ZNF516: variants seen among roughly 807,000 people sequenced by gnomAD.
ZNF516 encodes the protein zinc finger protein 516.
Under a neutral mutation model 79.7 loss-of-function variants are expected in ZNF516, and 19 were observed. That is an observed-to-expected ratio of 0.24 (90% CI 0.17 to 0.35). The LOEUF is 0.35. Among genes scored for constraint, ZNF516 ranks in the 10% least tolerant of loss-of-function variants. ZNF516 has a pLI of 1.00. For synonymous variants in ZNF516, 877 were observed against 739.5 expected, an observed-to-expected ratio of 1.19 and a Z score of -3.02; for missense variants, 1,678 against 1,679.5, an observed-to-expected ratio of 1.00 and a Z score of 0.02.
At chr18:76,476,536 A>G (rs1045775706) in intron 1 of ZNF516, among the ~76,000 whole-genome samples, 1 of 152,180 alleles carries the variant, frequency 6.6e-6, no homozygotes, top group African/African-American at 2.4e-5. Flanking sequence ...AGCTACTGGA[A>G]TTCCTCTCAT....
chr18:76,448,017 A>AC lies in ZNF516; in HGVS notation c.-157-4807dup, dbSNP rs575739085. The stretch of plus-strand genomic sequence containing the variant: ...TATTTCATTTTGAAAAACTTAGGTA[A>AC]CAATCACATTTATTAAAAAACAGGA... On this transcript the variant is annotated intron_variant, in intron 2 of 6. Transcript: ENST00000443185. Among the ~76,000 whole-genome samples, 762 of 152,310 alleles carry AC rather than the reference A, an allele frequency of 5.0e-3. 10 individuals carry two copies. Among genetic ancestry groups the AC allele is most frequent in the Non-Finnish European group, 5.9e-3 (400 of 68,036 alleles).
chr18:76,380,013 C>T lies in ZNF516; in HGVS notation c.2101G>A (p.Gly701Ser). The change falls in exon 4 of 7, where the codon GGC becomes AGC. Residue 701 changes from glycine to serine, a missense_variant. By Grantham distance (56) the Gly-to-Ser change is moderately conservative. This residue lies in a region of ZNF516 where 1,294 missense variants were observed against 1,248.3 expected (regional missense o/e 1.04). Transcript: ENST00000443185. ...VEFPSSTGAE[G>S]QTGHPAEKLS... ...TTTTCTGCAGGGTGACCCGTCTGGC[C>T]CTCCGCTCCCGTACTGGAAGGGAAC... The T allele has an allele frequency of 6.2e-7, 1 of 1,613,930 alleles. No homozygotes were observed. The highest frequency in any genetic ancestry group is 8.5e-7 in the Non-Finnish European group (1 of 1,179,868).
intron 6 of ZNF516, 142 bp downstream of exon 6, chr18:76,370,386 T>G: frequency 1.2e-6 from 1 of 820,810 alleles, no homozygotes; most frequent in African/African-American, 1.8e-5. Context: ...AAGGGTCAGG[T>G]TCCAAGTCAA....
intron 1 of ZNF516, among the ~76,000 whole-genome samples, chr18:76,471,378 G>A (rs772941635): frequency 9.9e-5 from 15 of 152,148 alleles, no homozygotes; most frequent in African/African-American, 3.1e-4. Context: ...AGAGGGCAGC[G>A]ACCCCAGACA....
chr18:76,383,295 C>T (rs1172518742), intron 3 of ZNF516, among the ~76,000 whole-genome samples: 6 of 152,194 alleles, frequency 3.9e-5, no homozygotes, highest in South Asian at 2.1e-4. Context: ...GAAGAAAACA[C>T]GTGGCTAACT....
intron 3 of ZNF516, among the ~76,000 whole-genome samples, chr18:76,424,405 G>A (rs142596856): frequency 0.27 from 35,188 of 129,764 alleles, 5,047 homozygotes; most frequent in East Asian, 0.41. Context: ...ACACGCAGGT[G>A]AAAAGGCTCC....
intron 6 of ZNF516, among the ~76,000 whole-genome samples, chr18:76,363,932 C>A (rs2074577828): frequency 6.6e-6 from 1 of 152,232 alleles, no homozygotes; most frequent in African/African-American, 2.4e-5. Context: ...AACACAGGTG[C>A]TGTGTGTGCC....
chr18:76,454,769 C>A (rs576943319), intron 2 of ZNF516, among the ~76,000 whole-genome samples: 4 of 152,104 alleles, frequency 2.6e-5, no homozygotes, highest in Non-Finnish European at 4.4e-5. Context: ...TCTTTCCTTG[C>A]AGGAAACAAA....
At chr18:76,492,821 C>A (rs1172990987) in intron 1 of ZNF516, 5 of 986,010 alleles carry the variant, frequency 5.1e-6, no homozygotes, top group African/African-American at 1.7e-5. Context: ...GAGGGGGAGG[C>A]GCTCCGTGGG....
At position 76,390,976 on chromosome 18, in the gene ZNF516, G is replaced by A. The variant is rs571633074; in HGVS notation, c.1811-10673C>T. 4.6e-5 allele frequency among the ~76,000 whole-genome samples: 7 copies of A among 152,212 alleles called. No homozygotes were observed. In the East Asian group the frequency reaches 1.4e-3, roughly 29 times the overall value. ...GCCAGCTTCAAATGCCTCTATCTCA[G>A]CTCACACCCCACAGCGCTGAGCTCA... On this transcript the variant is annotated intron_variant, in intron 3 of 6. Coordinates refer to ENST00000443185, the MANE Select transcript of ZNF516 (RefSeq NM_014643.4).
chr18:76,360,536 GTTGT>G lies in ZNF516; in HGVS notation c.*1958_*1961del, dbSNP rs1483904153. On this transcript the variant is annotated 3_prime_UTR_variant, in exon 7 of 7. Coordinates refer to ENST00000443185, the MANE Select transcript of ZNF516 (RefSeq NM_014643.4). ...TAACTTTACAGAACAGTCAATTACA[GTTGT>G]TTAACTGTATCTGCATGGACATTCC... 6.7e-6 allele frequency: 1 copy of G among 149,966 alleles called. No homozygotes were observed. The highest frequency in any genetic ancestry group is 2.1e-4 in the South Asian group (1 of 4,734). The allele number at this position is 149,966 out of a possible 1,614,324, so 9.3% of individuals were successfully genotyped here.
At chr18:76,460,819 T>A (rs552845040) in intron 2 of ZNF516, among the ~76,000 whole-genome samples, 1 of 152,344 alleles carries the variant, frequency 6.6e-6, no homozygotes, top group South Asian at 2.1e-4. Flanking sequence ...TGCCACATGA[T>A]CGCCTCGCTT....
At chr18:76,423,447 C>T (rs1033945917) in intron 3 of ZNF516, among the ~76,000 whole-genome samples, 1 of 151,382 alleles carries the variant, frequency 6.6e-6, no homozygotes, top group Non-Finnish European at 1.5e-5. Flanking sequence ...AAGGTTCCTC[C>T]TGAAACACAC....
intron 3 of ZNF516, among the ~76,000 whole-genome samples, chr18:76,409,841 T>C (rs1194605139): frequency 3.9e-5 from 6 of 152,194 alleles, no homozygotes; most frequent in Non-Finnish European, 4.4e-5. Flanking sequence ...GGTTTGGCTG[T>C]GTCCCCACCC....
chr18:76,413,289 C>G (rs1043606345), intron 3 of ZNF516, among the ~76,000 whole-genome samples: 2 of 152,184 alleles, frequency 1.3e-5, no homozygotes, highest in African/African-American at 4.8e-5. Flanking sequence ...TTAAATTCTA[C>G]TACTACATGA....
In ZNF516 at chr18:76,379,897, C is replaced by T. The variant is rs775307847; in HGVS notation, c.2217G>A (p.Ser739=). 7.1e-5 allele frequency: 114 copies of T among 1,613,944 alleles called. No homozygotes were observed. Among genetic ancestry groups the T allele is most frequent in the Non-Finnish European group, 8.7e-5 (103 of 1,179,884 alleles). Residue 739 remains serine, a synonymous_variant, in exon 4 of 7, where the codon TCG becomes TCA. Transcript: ENST00000443185. ...CCTTATTGCTGGGGTCATCCCGCGTCGACCTCGCACTTAAATCTAGCGGCA... is the reference window on the plus strand; with the variant it reads ...CCTTATTGCTGGGGTCATCCCGCGTTGACCTCGCACTTAAATCTAGCGGCA... ...DLMPLDLSAR[S]TRDDPSNKET...
At chr18:76,440,742 TTGTGTGTGTG>T (rs138856557) in intron 3 of ZNF516, among the ~76,000 whole-genome samples, 5 of 149,942 alleles carry the variant, frequency 3.3e-5, no homozygotes, top group Admixed American at 3.3e-4. Context: ...GTGTGTGTGT[TTGTGTGTGTG>T]TGTGTGTGTG....
At chr18:76,458,093 C>G (rs1302998944) in intron 2 of ZNF516, among the ~76,000 whole-genome samples, 1 of 152,216 alleles carries the variant, frequency 6.6e-6, no homozygotes, top group South Asian at 2.1e-4. Flanking sequence ...CCTGACACTT[C>G]AATGCCATCA....
chr18:76,437,508 T>C (rs9967583), intron 3 of ZNF516, among the ~76,000 whole-genome samples: 2,542 of 152,132 alleles, frequency 0.017, 84 homozygotes, highest in African/African-American at 0.059. Flanking sequence ...AAGGCACTTG[T>C]TCCAAGCACT....
Sources: gnomAD v4.1 joint callset for allele counts (sites outside exome capture counted in the v4.1 genomes callset) on GRCh38, gnomAD v4.1.1 for gene constraint, gnomAD v4.1.1 regional missense constraint, MANE v1.5 for transcripts, NCBI Gene and HGNC (gene_info 2026-07-23, HGNC 2026-07-21) for gene names.